CABLES1: variants seen among roughly 807,000 people sequenced by gnomAD.
CABLES1 encodes the protein Cdk5 and Abl enzyme substrate 1.
CABLES1 carries 36 observed loss-of-function variants against 57.8 expected under a neutral mutation model. That is an observed-to-expected ratio of 0.62 (90% CI 0.48 to 0.82). CABLES1 has a LOEUF of 0.82. CABLES1 is among the 40% of genes least tolerant of loss of function. The pLI is 0.00. For missense variants in CABLES1, 767 were observed against 836.6 expected (o/e 0.92, Z 1.03); for synonymous variants, 374 against 363.0 (o/e 1.03, Z -0.35).
intron 3 of CABLES1, among the ~76,000 whole-genome samples, chr18:23,200,172 A>G (rs540118511): frequency 1.3e-5 from 2 of 152,334 alleles, no homozygotes; most frequent in East Asian, 3.9e-4. Context: ...GATGATCTTT[A>G]AAGTGCCATG....
At chr18:23,163,170 G>A (rs761699286) in intron 1 of CABLES1, among the ~76,000 whole-genome samples, 2 of 152,150 alleles carry the variant, frequency 1.3e-5, no homozygotes, top group Non-Finnish European at 2.9e-5. Context: ...AGATGGGGCA[G>A]TTTGAAGGGG....
rs761833469 is a variant in CABLES1 at position 23,214,053 on chromosome 18, G to A, written c.1087G>A (p.Gly363Arg). ...VLPYRDSTQV[G>R]DLKLDGGRQS... is the part of the protein sequence containing the mutation. ...GCCGTATCGCGACAGTACCCAAGTC[G>A]GGTATGTATATGCATGCATGCTTTG... The change falls in exon 4 of 10, where the codon GGG becomes AGG. Residue 363 changes from glycine (G) to arginine (R), a missense_variant and splice_region_variant. Gly to Arg is a moderately radical substitution (Grantham distance 125). Coordinates refer to ENST00000256925, the MANE Select transcript of CABLES1 (RefSeq NM_001100619.3). The A allele has an allele frequency of 2.5e-5, 41 of 1,608,698 alleles. No individual in the cohort carries two copies. Among genetic ancestry groups the A allele is most frequent in the East Asian group, 4.5e-5 (2 of 44,850 alleles).
chr18:23,194,653 A>T, intron 3 of CABLES1, 113 bp downstream of exon 3: 1 of 687,820 alleles, frequency 1.5e-6, no homozygotes, highest in Admixed American at 2.4e-5. Flanking sequence ...CACTTTTAAG[A>T]TGAGCAGGAT....
chr18:23,245,230 G>A (rs1196678444), intron 7 of CABLES1, among the ~76,000 whole-genome samples: 4 of 152,160 alleles, frequency 2.6e-5, no homozygotes, highest in African/African-American at 4.8e-5. Flanking sequence ...AGGATGGGCC[G>A]GGCGTAGTGC....
chr18:23,234,458 G>C, intron 4 of CABLES1, 150 bp from the exon 5 acceptor site: 1 of 629,560 alleles, frequency 1.6e-6, no homozygotes, highest in South Asian at 1.9e-5. Flanking sequence ...ACTGGCAAGC[G>C]CCCGAAGAGG....
intron 3 of CABLES1, among the ~76,000 whole-genome samples, chr18:23,210,325 AT>A (rs907628309): frequency 5.6e-4 from 86 of 152,276 alleles, no homozygotes; most frequent in African/African-American, 1.9e-3. Flanking sequence ...GGGGGAAATG[AT>A]TTGGGCTTTT....
intron 1 of CABLES1, among the ~76,000 whole-genome samples, chr18:23,188,193 A>G (rs1363961746): frequency 2.6e-5 from 4 of 152,156 alleles, no homozygotes; most frequent in Non-Finnish European, 4.4e-5. Flanking sequence ...TAGACTAGAG[A>G]GGTTTTAGCA....
chr18:23,193,812 TA>T (rs938380965), intron 2 of CABLES1, among the ~76,000 whole-genome samples: 21 of 152,256 alleles, frequency 1.4e-4, no homozygotes, highest in Admixed American at 1.2e-3. Context: ...ATAAAAATTT[TA>T]AAAAAACTTG....
rs768447551 is a variant in CABLES1, at chr18:23,253,916, G to A, written c.1741G>A (p.Glu581Lys). 6 of 1,614,034 alleles carry A rather than the reference G, an allele frequency of 3.7e-6. No individual in the cohort carries two copies. The East Asian group carries it at 6.7e-5, about 18-fold the overall frequency. Residue 581 changes from glutamate to lysine, a missense_variant, in exon 9 of 10, where the codon GAA becomes AAA. Glu to Lys is a moderately conservative substitution (Grantham distance 56). Coordinates refer to ENST00000256925, the MANE Select transcript of CABLES1 (RefSeq NM_001100619.3). ...AATTGGAAGTGACCTCAAAAAACAC[G>A]AAGTCAAGCATTTAATTGACGTAAG... ...AKIGSDLKKH[E>K]VKHLIDKLEE...
At chr18:23,185,764 C>T (rs1271172840) in intron 1 of CABLES1, among the ~76,000 whole-genome samples, 1 of 152,158 alleles carries the variant, frequency 6.6e-6, no homozygotes, top group Non-Finnish European at 1.5e-5. Context: ...CAGAACGTGT[C>T]GAGATTCTCA....
At chr18:23,155,865 A>T in intron 1 of CABLES1, 5 of 1,613,354 alleles carry the variant, frequency 3.1e-6, no homozygotes, top group Non-Finnish European at 4.2e-6. Context: ...TCATAAAATG[A>T]GTTTGGAGTG....
At chr18:23,170,285 A>T (rs898076457) in intron 1 of CABLES1, among the ~76,000 whole-genome samples, 5 of 152,154 alleles carry the variant, frequency 3.3e-5, no homozygotes, top group Admixed American at 2.6e-4. Context: ...AGGAAATATA[A>T]ACATGTAACA....
At position 23,253,903 on chromosome 18, in the gene CABLES1, C is replaced by A. The variant is rs1283284074; in HGVS notation, c.1728C>A (p.Asp576Glu). 2 of 1,614,018 alleles carry A rather than the reference C, an allele frequency of 1.2e-6. No homozygotes were observed. The highest frequency in any genetic ancestry group is 1.3e-5 in the African/African-American group (1 of 74,918). ...CVLLAAKIGS[D>E]LKKHEVKHLI... ...TGTTAGCAGCCAAAATTGGAAGTGA[C>A]CTCAAAAAACACGAAGTCAAGCATT... Residue 576 changes from aspartate (D) to glutamate (E), a missense_variant, in exon 9 of 10, where the codon GAC (aspartate) becomes GAA (glutamate). Physicochemically the swap from Asp to Glu is conservative, Grantham distance 45. Around this residue, in one of 4 missense-constraint regions of CABLES1, gnomAD observed 529 missense variants for 622.8 expected, o/e 0.85. Coordinates refer to ENST00000256925, the MANE Select transcript of CABLES1 (RefSeq NM_001100619.3).
Position 23,136,588 on chromosome 18 carries a change from G to A in CABLES1, c.826G>A (p.Glu276Lys). Residue 276 changes from glutamate to lysine, a missense_variant, in exon 1 of 10, where the codon GAG (glutamate) becomes AAG (lysine). Coordinates refer to ENST00000256925, the MANE Select transcript of CABLES1 (RefSeq NM_001100619.3). ...CCAGGGCGGCAGCACCAGCGCCTTC[G>A]AGCAGCTGCAGAGGTCCCGGTGAGT... The part of the protein sequence containing the change: ...PGQGGSTSAF[E>K]QLQRSRRRLI... 1 of 1,489,874 alleles carries A rather than the reference G, an allele frequency of 6.7e-7. No homozygotes were observed. The highest frequency in any genetic ancestry group is 1.3e-5 in the South Asian group (1 of 77,702). 92.3% of individuals were successfully genotyped at this position (1,489,874 alleles called of 1,614,324 possible). A position where few individuals can be genotyped will look rare whatever the true frequency, so the allele number is the denominator to read the frequency against.
intron 1 of CABLES1, chr18:23,149,879 G>C (rs1305647191): frequency 2.0e-5 from 3 of 152,374 alleles, no homozygotes; most frequent in South Asian, 4.1e-4. Flanking sequence ...GGACCTTCTG[G>C]AAGATGTGAA....
At position 23,254,887 on chromosome 18, in the gene CABLES1, A is replaced by C. The variant is rs1187702382; in HGVS notation, c.1761+951A>C. On this transcript the variant is annotated intron_variant, in intron 9 of 9. Transcript: ENST00000256925. ...CATACGAATTTGGGGGGACACAAAC[A>C]TTCAGCCCATAACAAGGGGCATGCC... Among the ~76,000 whole-genome samples, 3 of 152,302 alleles carry C rather than the reference A, an allele frequency of 2.0e-5. No homozygotes were observed. In the East Asian group the frequency reaches 5.8e-4, roughly 29 times the overall value.
chr18:23,159,313 T>C (rs900246062), intron 1 of CABLES1, among the ~76,000 whole-genome samples: 2 of 152,154 alleles, frequency 1.3e-5, no homozygotes, highest in Non-Finnish European at 2.9e-5. Flanking sequence ...GGTGGAGCGG[T>C]TGTTCTGTTA....
intron 3 of CABLES1, among the ~76,000 whole-genome samples, chr18:23,209,657 A>G (rs1216295482): frequency 6.6e-6 from 1 of 152,140 alleles, no homozygotes; most frequent in Non-Finnish European, 1.5e-5. Context: ...TGTCCTTAAG[A>G]GAATATTTCT....
intron 3 of CABLES1, chr18:23,197,566 C>G (rs1000654066): frequency 1.3e-5 from 2 of 152,302 alleles, no homozygotes; most frequent in African/African-American, 4.8e-5. Context: ...CTAAGGAGGA[C>G]AGTGCCCAAC....
Sources: allele counts gnomAD v4.1 joint callset (sites outside exome capture counted in the v4.1 genomes callset), GRCh38; gene constraint gnomAD v4.1.1; regional missense constraint gnomAD v4.1.1; transcripts MANE v1.5; gene names NCBI Gene and HGNC (gene_info 2026-07-23, HGNC 2026-07-21).